RAD51: variants seen among roughly 807,000 people sequenced by gnomAD.
RAD51 encodes DNA repair protein RAD51 homolog 1.
A neutral mutation model predicts 41.5 loss-of-function variants in RAD51; 14 were observed. The observed-to-expected ratio is 0.34, with a 90% CI of 0.22 to 0.53. The LOEUF (loss-of-function observed/expected upper bound fraction) is 0.53, where lower values mean the gene tolerates loss of function less well. Among genes scored for constraint, RAD51 ranks in the 20% least tolerant of loss-of-function variants. The pLI, the probability that RAD51 is intolerant of heterozygous loss-of-function variation, is 0.95. For missense variants in RAD51, 234 were observed against 422.0 expected (o/e 0.55, Z 3.90); for synonymous variants, 136 against 148.6 (o/e 0.92, Z 0.62).
In RAD51 at chr15:40,729,506, T is replaced by C. The variant is rs776385951; in HGVS notation, c.646T>C (p.Tyr216His). The change falls in exon 8 of 10, where the codon TAT becomes CAT. Residue 216 changes from tyrosine to histidine, a missense_variant and splice_region_variant. By Grantham distance (83) the Tyr-to-His change is moderately conservative (BLOSUM62 2). Transcript: ENST00000267868. The stretch of plus-strand genomic sequence containing the variant: ...TCAGAGAATCCTTGTTTCCTGTAGG[T>C]ATGCACTGCTTATTGTAGACAGTGC... ...QASAMMVESR[Y>H]ALLIVDSATA... 1 of 1,613,700 alleles carries C rather than the reference T, an allele frequency of 6.2e-7. No homozygotes were observed. The highest frequency in any genetic ancestry group is 1.1e-5 in the South Asian group (1 of 91,030).
intron 7 of RAD51, among the ~76,000 whole-genome samples, chr15:40,729,061 G>A (rs980565038): frequency 1.3e-5 from 2 of 152,076 alleles, no homozygotes; most frequent in East Asian, 3.9e-4. Flanking sequence ...TTAGTACTGT[G>A]CAAATATTTT....
At chr15:40,703,158 G>T (rs1895106700) in intron 3 of RAD51, among the ~76,000 whole-genome samples, 1 of 152,144 alleles carries the variant, frequency 6.6e-6, no homozygotes, top group African/African-American at 2.4e-5. Context: ...TATAAGCTCT[G>T]TGGAGGCAGG....
chr15:40,709,161 T>G (rs375254415), intron 5 of RAD51, 45 bp downstream of exon 5: 37 of 1,491,582 alleles, frequency 2.5e-5, no homozygotes, highest in Non-Finnish European at 3.5e-5. Flanking sequence ...AAGCATTACT[T>G]CATTCCTGCT....
intron 6 of RAD51, among the ~76,000 whole-genome samples, chr15:40,726,030 C>T (rs950372538): frequency 4.6e-5 from 7 of 152,072 alleles, no homozygotes; most frequent in African/African-American, 1.7e-4. Context: ...TCCAGGTAAT[C>T]TGATGCTTGC....
chr15:40,725,040 C>T (rs570791226), intron 6 of RAD51, among the ~76,000 whole-genome samples: 3 of 151,588 alleles, frequency 2.0e-5, no homozygotes, highest in South Asian at 4.1e-4. Context: ...GCTGGGACTA[C>T]AGGCGCCCGC....
intron 3 of RAD51, among the ~76,000 whole-genome samples, chr15:40,705,059 C>T (rs1232984211): frequency 6.6e-6 from 1 of 152,186 alleles, no homozygotes; most frequent in Non-Finnish European, 1.5e-5. Flanking sequence ...GTCCTCCCAC[C>T]TCAGCCTCCC....
At chr15:40,715,588 A>G (rs1429848918) in intron 5 of RAD51, among the ~76,000 whole-genome samples, 2 of 152,318 alleles carry the variant, frequency 1.3e-5, no homozygotes, top group East Asian at 3.9e-4. Flanking sequence ...TGGTATCCCA[A>G]TCCAGTAACA....
chr15:40,711,525 G>A (rs893041852), intron 5 of RAD51, among the ~76,000 whole-genome samples: 3 of 152,192 alleles, frequency 2.0e-5, no homozygotes, highest in Non-Finnish European at 4.4e-5. Flanking sequence ...GAGGAAATGG[G>A]TTAGCTGTTT....
chr15:40,708,817 A>G (rs1595991140), intron 4 of RAD51, among the ~76,000 whole-genome samples: 1 of 151,610 alleles, frequency 6.6e-6, no homozygotes. Context: ...CAAGCAATCC[A>G]CCCACCTAAG....
intron 6 of RAD51, among the ~76,000 whole-genome samples, chr15:40,722,081 G>T (rs770070120): frequency 6.6e-6 from 1 of 152,112 alleles, no homozygotes; most frequent in Non-Finnish European, 1.5e-5. Flanking sequence ...CTAACCTTCA[G>T]GGCATTATGC....
At chr15:40,709,602 G>C (rs1895563891) in intron 5 of RAD51, among the ~76,000 whole-genome samples, 1 of 151,944 alleles carries the variant, frequency 6.6e-6, no homozygotes, top group Non-Finnish European at 1.5e-5. Context: ...TTGAACTCCT[G>C]ATCTCAAGTG....
At chr15:40,709,916 A>G (rs1263261048) in intron 5 of RAD51, among the ~76,000 whole-genome samples, 1 of 151,724 alleles carries the variant, frequency 6.6e-6, no homozygotes, top group Non-Finnish European at 1.5e-5. Flanking sequence ...TAATCCCAGT[A>G]CTTTGGGAGG....
intron 3 of RAD51, among the ~76,000 whole-genome samples, chr15:40,704,226 G>A (rs1014959616): frequency 1.9e-4 from 28 of 150,492 alleles, no homozygotes; most frequent in Middle Eastern, 3.4e-3. Context: ...GGCACGTGCC[G>A]CCATGCCCAG....
At chr15:40,728,287 C>A (rs547010203) in intron 6 of RAD51, among the ~76,000 whole-genome samples, 2 of 152,154 alleles carry the variant, frequency 1.3e-5, no homozygotes, top group South Asian at 2.1e-4. Context: ...TATGGTGAAA[C>A]CCTGTCTCTA....
At chr15:40,695,112 C>T (rs1894524067), upstream of RAD51, 1 of 152,318 alleles carries the variant, frequency 6.6e-6, no homozygotes, top group South Asian at 2.1e-4. Context: ...GAAGGCGGAT[C>T]CGGGAGGCGG....
In RAD51 at chr15:40,716,935, T is replaced by G. The variant is rs569276500; in HGVS notation, c.436-1870T>G. On this transcript the variant is annotated intron_variant, in intron 5 of 9. Transcript: ENST00000267868. ...CTTCGGCCTCCCAAAGTGCTGGGAT[T>G]ACAGGCGTTAGCCACTGCGCCTGGC... Among the ~76,000 whole-genome samples the G allele has an allele frequency of 2.0e-5, 3 of 152,256 alleles. No homozygotes were observed. In the East Asian group the frequency reaches 5.8e-4, roughly 29 times the overall value.
At chr15:40,730,521 T>TTTTTTTTTCTTTCTTTTC in intron 9 of RAD51, among the ~76,000 whole-genome samples, 1 of 92,684 alleles carries the variant, frequency 1.1e-5, no homozygotes, top group African/African-American at 5.1e-5. Context: ...ATTTTTTTTC[T>TTTTTTTTTCTTTCTTTTC]TTTTTTTTTT....
chr15:40,711,969 G>T (rs1248315866), intron 5 of RAD51, among the ~76,000 whole-genome samples: 2 of 151,912 alleles, frequency 1.3e-5, no homozygotes, highest in Admixed American at 6.6e-5. Flanking sequence ...CTACTTGGGA[G>T]GTGGAGGCGG....
chr15:40,712,877 C>CTT (rs398039433), intron 5 of RAD51, among the ~76,000 whole-genome samples: 38,085 of 103,572 alleles, frequency 0.37, 7,648 homozygotes, highest in East Asian at 0.56. Flanking sequence ...CTTTTCTTTT[C>CTT]TTTTTTTTTT....
Sources: allele counts gnomAD v4.1 joint callset (sites outside exome capture counted in the v4.1 genomes callset), GRCh38; gene constraint gnomAD v4.1.1; transcripts MANE v1.5; gene names NCBI Gene and HGNC (gene_info 2026-07-23, HGNC 2026-07-21).